The following TRPM3 variants were observed in gnomAD, a reference collection of about 807,000 sequenced individuals.
The protein encoded by TRPM3 is long transient receptor potential channel 3.
TRPM3 carries 77 observed loss-of-function variants against 181.2 expected under a neutral mutation model. The observed-to-expected ratio is 0.42, with a 90% confidence interval of 0.35 to 0.51. The LOEUF is 0.51. TRPM3 is among the 20% of genes least tolerant of loss of function. TRPM3 has a pLI of 0.01. For missense variants in TRPM3, 1,759 were observed against 2,196.7 expected (o/e 0.80, Z 3.98); for synonymous variants, 745 against 796.4 (o/e 0.94, Z 1.09).
At chr9:70,639,673 C>T (rs1181553960) in intron 10 of TRPM3, among the ~76,000 whole-genome samples, 3 of 152,176 alleles carry the variant, frequency 2.0e-5, no homozygotes, top group African/African-American at 7.2e-5. Flanking sequence ...AGAAGCAAGA[C>T]CACAAAGATG....
At chr9:70,811,320 C>T (rs1261083585) in intron 6 of TRPM3, 40 of 1,254,684 alleles carry the variant, frequency 3.2e-5, no homozygotes, top group Non-Finnish European at 4.5e-5. Context: ...GATGGATTAC[C>T]CAATTTACAT....
chr9:70,537,790 T>C (rs2042173362), intron 25 of TRPM3, among the ~76,000 whole-genome samples: 1 of 152,112 alleles, frequency 6.6e-6, no homozygotes, highest in Non-Finnish European at 1.5e-5. Context: ...CAGGGTGCAA[T>C]GACCTGACTA....
At chr9:70,971,711 G>C (rs1348567584) in intron 1 of TRPM3, among the ~76,000 whole-genome samples, 1 of 152,162 alleles carries the variant, frequency 6.6e-6, no homozygotes, top group Non-Finnish European at 1.5e-5. Context: ...AGGGAAGAAT[G>C]GGGAACATAT....
chr9:71,002,653 G>T (rs1298287685), intron 1 of TRPM3, among the ~76,000 whole-genome samples: 1 of 151,916 alleles, frequency 6.6e-6, no homozygotes, highest in Non-Finnish European at 1.5e-5. Context: ...ATTTGATTAG[G>T]ATAATTTATT....
chr9:70,863,601 T>C (rs756345091), intron 2 of TRPM3, among the ~76,000 whole-genome samples: 1 of 152,182 alleles, frequency 6.6e-6, no homozygotes, highest in Non-Finnish European at 1.5e-5. Flanking sequence ...AAATATCCAA[T>C]TCTGAGAATA....
chr9:71,291,022 G>T (rs571759519), intron 1 of TRPM3, among the ~76,000 whole-genome samples: 86 of 152,116 alleles, frequency 5.7e-4, no homozygotes, highest in African/African-American at 2.0e-3. Flanking sequence ...GATTCAAAAA[G>T]ATAAAATCCA....
At chr9:70,781,384 T>C (rs894076041) in intron 7 of TRPM3, among the ~76,000 whole-genome samples, 1 of 145,986 alleles carries the variant, frequency 6.8e-6, no homozygotes, top group African/African-American at 2.5e-5. Context: ...AATTTTGGGG[T>C]TGTTGTATAA....
At chr9:70,554,541 G>A (rs1021713040) in intron 22 of TRPM3, among the ~76,000 whole-genome samples, 3 of 152,130 alleles carry the variant, frequency 2.0e-5, no homozygotes, top group African/African-American at 7.2e-5. Context: ...CTGCCCTGGG[G>A]ATCACCTGGC....
intron 1 of TRPM3, among the ~76,000 whole-genome samples, chr9:71,021,651 A>G (rs2097848531): frequency 6.6e-6 from 1 of 152,184 alleles, no homozygotes; most frequent in South Asian, 2.1e-4. Context: ...AAATGTTGAA[A>G]AGTTTCACCA....
chr9:71,050,977 T>A (rs892802107), intron 1 of TRPM3, among the ~76,000 whole-genome samples: 1 of 152,202 alleles, frequency 6.6e-6, no homozygotes, highest in African/African-American at 2.4e-5. Context: ...TCACAAGAAA[T>A]AACTCTCCTT....
At chr9:71,345,852 A>C (rs1223111152) in intron 1 of TRPM3, among the ~76,000 whole-genome samples, 1 of 152,226 alleles carries the variant, frequency 6.6e-6, no homozygotes, top group Non-Finnish European at 1.5e-5. Flanking sequence ...GCAAATTAAA[A>C]TTACAAATTA....
chr9:71,215,885 G>A (rs1333122628), intron 1 of TRPM3, among the ~76,000 whole-genome samples: 1 of 152,180 alleles, frequency 6.6e-6, no homozygotes, highest in East Asian at 1.9e-4. Context: ...GAGTAGCACA[G>A]AGACCCTCAA....
At chr9:71,116,636 C>T (rs1015631451) in intron 1 of TRPM3, among the ~76,000 whole-genome samples, 3 of 152,090 alleles carry the variant, frequency 2.0e-5, no homozygotes, top group African/African-American at 7.2e-5. Context: ...CTGATCATTG[C>T]TCCTTCAGTT....
intron 1 of TRPM3, among the ~76,000 whole-genome samples, chr9:71,365,202 T>G (rs1249233327): frequency 6.6e-6 from 1 of 152,204 alleles, no homozygotes; most frequent in Non-Finnish European, 1.5e-5. Context: ...ACAAATGAAG[T>G]CTACCTACAA....
chr9:70,971,020 T>C (rs897377412), intron 1 of TRPM3, among the ~76,000 whole-genome samples: 2 of 152,218 alleles, frequency 1.3e-5, no homozygotes, highest in Non-Finnish European at 2.9e-5. Context: ...TTTAGATTTC[T>C]TATCCCACTC....
At chr9:70,845,044 A>G (rs1337029) in intron 4 of TRPM3, among the ~76,000 whole-genome samples, 32,881 of 152,086 alleles carry the variant, frequency 0.22, 4,402 homozygotes, top group Non-Finnish European at 0.29. Flanking sequence ...AGATCATGTC[A>G]GTGTATGGGC....
chr9:71,297,508 C>T (rs1009706495), intron 1 of TRPM3, among the ~76,000 whole-genome samples: 3 of 152,110 alleles, frequency 2.0e-5, no homozygotes, highest in Admixed American at 6.5e-5. Context: ...GAAGCAAACA[C>T]GTCCTTCTTC....
intron 1 of TRPM3, among the ~76,000 whole-genome samples, chr9:70,929,514 TTA>T (rs2096754472): frequency 1.3e-5 from 2 of 152,108 alleles, no homozygotes; most frequent in South Asian, 4.1e-4. Context: ...ATTATTTTAT[TTA>T]TTTATTTATT....
Position 70,843,135 on chromosome 9 carries a change from A to AG in TRPM3, c.677-9_677-8insC, listed in dbSNP as rs1461653246. The AG allele has an allele frequency of 6.3e-7, 1 of 1,594,354 alleles. No individual in the cohort carries two copies. On this transcript the variant is annotated splice_polypyrimidine_tract_variant and intron_variant, in intron 4 of 25. Transcript: ENST00000677713. ...CAACATGACGAATAACACCTAAAAA[A>AG]AAAAGAGAAGCATTGATTTTTTCTT...
Sources: allele counts gnomAD v4.1 joint callset (sites outside exome capture counted in the v4.1 genomes callset), GRCh38; gene constraint gnomAD v4.1.1; transcripts MANE v1.5; gene names NCBI Gene and HGNC (gene_info 2026-07-23, HGNC 2026-07-21).